The following ADCY2 variants were observed in gnomAD, a reference collection of about 807,000 sequenced individuals.
ADCY2 encodes adenylate cyclase 2, also known as adenylate cyclase type 2.
Under a neutral mutation model 125.2 loss-of-function variants are expected in ADCY2, and 31 were observed. The ratio of observed to expected loss-of-function variants is 0.25; its 90% CI spans 0.19 to 0.33. The LOEUF is 0.33. ADCY2 is among the 10% of genes least tolerant of loss of function. The pLI, the probability that ADCY2 is intolerant of heterozygous loss-of-function variation, is 1.00. For synonymous variants in ADCY2, 512 were observed against 548.4 expected, an observed-to-expected ratio of 0.93 and a Z score of 0.93; for missense variants, 904 against 1,418.2, an observed-to-expected ratio of 0.64 and a Z score of 5.82.
chr5:7,510,084 A>G (rs937198946), intron 2 of ADCY2, among the ~76,000 whole-genome samples: 1 of 152,212 alleles, frequency 6.6e-6, no homozygotes. Flanking sequence ...CCAGAGTCTC[A>G]TGTCCTCTGT....
intron 4 of ADCY2, among the ~76,000 whole-genome samples, chr5:7,673,055 T>C (rs1012593122): frequency 1.8e-4 from 27 of 151,606 alleles, no homozygotes; most frequent in African/African-American, 6.1e-4. Context: ...CTATATCATG[T>C]AATTTTATTA....
At position 7,724,753 on chromosome 5, in the gene ADCY2, G is replaced by C. The variant is rs533479278; in HGVS notation, c.1773+139G>C. On this transcript the variant is annotated intron_variant, in intron 13 of 24. Coordinates refer to ENST00000338316, the MANE Select transcript of ADCY2 (RefSeq NM_020546.3). ...TCGAACTCTTTCTGGCTTTTCTGGT[G>C]GTTCTTTCATGCATATATTGCTTTA... 1.0e-3 allele frequency: 680 copies of C among 654,788 alleles called. 1 individual carries two copies. The highest frequency in any genetic ancestry group is 1.4e-3 in the Non-Finnish European group (531 of 382,388). The allele number at this position is 654,788 out of a possible 1,614,324, so 40.6% of individuals were successfully genotyped here.
At chr5:7,606,609 C>T (rs1263978631) in intron 3 of ADCY2, among the ~76,000 whole-genome samples, 2 of 152,052 alleles carry the variant, frequency 1.3e-5, no homozygotes, top group East Asian at 3.9e-4. Flanking sequence ...AGTGTGATCC[C>T]CTCATTAATC....
At chr5:7,490,771 A>G (rs1173537256) in intron 2 of ADCY2, among the ~76,000 whole-genome samples, 2 of 152,178 alleles carry the variant, frequency 1.3e-5, no homozygotes, top group Admixed American at 6.5e-5. Flanking sequence ...AAGGTATGCC[A>G]AGCAACCTTT....
chr5:7,431,081 A>T (rs2397354), intron 2 of ADCY2, among the ~76,000 whole-genome samples: 112,222 of 152,062 alleles, frequency 0.74, 42,012 homozygotes, highest in Non-Finnish European at 0.81. Flanking sequence ...TGGAAATGCA[A>T]AATACCCCTT....
chr5:7,606,696 C>G (rs1737390013), intron 3 of ADCY2, among the ~76,000 whole-genome samples: 1 of 152,164 alleles, frequency 6.6e-6, no homozygotes, highest in Admixed American at 6.5e-5. Context: ...TATGTCACAT[C>G]AGAACACTCA....
intron 3 of ADCY2, among the ~76,000 whole-genome samples, chr5:7,540,599 C>T (rs1434420012): frequency 6.6e-6 from 1 of 152,192 alleles, no homozygotes; most frequent in Non-Finnish European, 1.5e-5. Flanking sequence ...CATAATTTTT[C>T]AGCTTGCAGG....
Position 7,727,251 on chromosome 5 carries a change from G to T in ADCY2, c.1861G>T (p.Val621Leu), listed in dbSNP as rs149172094. ...CTGCATCTTCATTGTGCAGATTCTC[G>T]TGCTGCCAAAGTAAGTACTTCTGGT... The part of the protein sequence containing the change: ...FFCIFIVQIL[V>L]LPKTSVLGIS... The change falls in exon 14 of 25, where the codon GTG (valine) becomes TTG (leucine). Residue 621 changes from valine to leucine, a missense_variant. Transcript: ENST00000338316. 3.1e-6 allele frequency: 5 copies of T among 1,613,816 alleles called. No homozygotes were observed. The highest frequency in any genetic ancestry group is 1.7e-5 in the Admixed American group (1 of 60,000).
chr5:7,752,923 C>G (rs1742871453), intron 15 of ADCY2, among the ~76,000 whole-genome samples: 2 of 127,900 alleles, frequency 1.6e-5, no homozygotes, highest in South Asian at 5.0e-4. Context: ...TTCTGAGACA[C>G]AGTCTTGCTC....
At chr5:7,703,711 C>G (rs191911929) in intron 7 of ADCY2, among the ~76,000 whole-genome samples, 5 of 152,246 alleles carry the variant, frequency 3.3e-5, no homozygotes, top group Admixed American at 3.3e-4. Flanking sequence ...AGTGCAGGCT[C>G]TTTTTTGGTT....
intron 3 of ADCY2, among the ~76,000 whole-genome samples, chr5:7,522,112 A>G (rs186023789): frequency 6.6e-6 from 1 of 152,262 alleles, no homozygotes; most frequent in East Asian, 1.9e-4. Flanking sequence ...CCAATGAGAG[A>G]ATGAAGGTGG....
At chr5:7,713,060 T>C (rs990614545) in intron 11 of ADCY2, among the ~76,000 whole-genome samples, 161 bp downstream of exon 11, 5 of 152,256 alleles carry the variant, frequency 3.3e-5, no homozygotes, top group South Asian at 2.1e-4. Flanking sequence ...AATAGAATCA[T>C]TGGGGTCTTA....
chr5:7,520,601 C>A, intron 2 of ADCY2, 137 bp from the exon 3 acceptor site: 2 of 890,780 alleles, frequency 2.2e-6, no homozygotes, highest in South Asian at 1.8e-5. Flanking sequence ...CATCGACTGC[C>A]CTATTTTGTC....
intron 2 of ADCY2, among the ~76,000 whole-genome samples, chr5:7,461,392 T>C (rs1741913158): frequency 6.6e-6 from 1 of 152,258 alleles, no homozygotes. Context: ...TTAGAGAACA[T>C]TCTGAATGTG....
chr5:7,663,906 AG>A (rs753354571), intron 4 of ADCY2, among the ~76,000 whole-genome samples: 10 of 152,212 alleles, frequency 6.6e-5, no homozygotes, highest in Non-Finnish European at 1.3e-4. Flanking sequence ...TGGGAATTGC[AG>A]AGGTCAGGAA....
rs185804042 is a variant in ADCY2 at position 7,818,233 on chromosome 5, G to A, written c.2998+1253G>A. Among the ~76,000 whole-genome samples, 59 of 152,196 alleles carry A rather than the reference G, an allele frequency of 3.9e-4. 1 individual carries two copies. Among genetic ancestry groups the A allele is most frequent in the Non-Finnish European group, 6.0e-4 (41 of 68,008 alleles). ...TAAAGCCATTTTCTTCCTTTGCTAT[G>A]GGTATGTCCTGAATGTCATTTAAAT... On this transcript the variant is annotated intron_variant, in intron 23 of 24. Transcript: ENST00000338316.
At chr5:7,401,960 T>C (rs2111439865) in intron 1 of ADCY2, among the ~76,000 whole-genome samples, 1 of 152,330 alleles carries the variant, frequency 6.6e-6, no homozygotes, top group East Asian at 1.9e-4. Context: ...TGAACCTGAC[T>C]CATTTCTTCC....
At chr5:7,808,993 T>C (rs1744848304) in intron 22 of ADCY2, among the ~76,000 whole-genome samples, 1 of 152,278 alleles carries the variant, frequency 6.6e-6, no homozygotes, top group Admixed American at 6.5e-5. Flanking sequence ...CTAAGTGTTC[T>C]GCACTTCTGT....
At chr5:7,648,726 T>C (rs1738982553) in intron 4 of ADCY2, among the ~76,000 whole-genome samples, 1 of 152,218 alleles carries the variant, frequency 6.6e-6, no homozygotes, top group Non-Finnish European at 1.5e-5. Context: ...ATTAAAATCA[T>C]TTTGTATCAT....
Sources: gnomAD v4.1 joint callset for allele counts (sites outside exome capture counted in the v4.1 genomes callset) on GRCh38, gnomAD v4.1.1 for gene constraint, MANE v1.5 for transcripts, NCBI Gene and HGNC (gene_info 2026-07-23, HGNC 2026-07-21) for gene names.